MAPK4: variants seen among roughly 807,000 people sequenced by gnomAD.
The protein encoded by MAPK4 is Erk3-related.
In MAPK4, 22 loss-of-function variants were observed where a neutral mutation model predicts 47.7. The ratio of observed to expected loss-of-function variants is 0.46; its 90% CI spans 0.33 to 0.66. The LOEUF is 0.66. Among genes scored for constraint, MAPK4 ranks in the 30% least tolerant of loss-of-function variants. MAPK4 has a pLI of 0.02. For synonymous variants in MAPK4, 390 were observed against 365.7 expected, an observed-to-expected ratio of 1.07 and a Z score of -0.76; for missense variants, 736 against 831.7, an observed-to-expected ratio of 0.88 and a Z score of 1.42.
chr18:50,722,000 G>A lies in MAPK4; in HGVS notation c.754G>A (p.Asp252Asn). 6.2e-7 allele frequency: 1 copy of A among 1,614,126 alleles called. No individual in the cohort carries two copies. The highest frequency in any genetic ancestry group is 8.5e-7 in the Non-Finnish European group (1 of 1,180,010). Residue 252 changes from aspartate (D) to asparagine (N), a missense_variant, in exon 4 of 6, where the codon GAC (aspartate) becomes AAC (asparagine). Asp to Asn is a conservative substitution (Grantham distance 23, BLOSUM62 1). This residue lies in a region of MAPK4 where 327 missense variants were observed against 395.4 expected (regional missense o/e 0.83). Transcript: ENST00000400384. ...GACCATCCCTGTAATCCGGGAGGAA[G>A]ACAAGGACGAGCTGCTCAGGGTGAT... ...LETIPVIREE[D>N]KDELLRVMPS...
chr18:50,623,639 A>G (rs936061117), intron 1 of MAPK4, among the ~76,000 whole-genome samples: 62 of 152,074 alleles, frequency 4.1e-4, no homozygotes, highest in African/African-American at 1.4e-3. Context: ...CCCTGTTCCA[A>G]TTATTGTGGG....
At chr18:50,674,093 C>T (rs918138737) in intron 2 of MAPK4, among the ~76,000 whole-genome samples, 2 of 152,164 alleles carry the variant, frequency 1.3e-5, no homozygotes, top group South Asian at 4.2e-4. Flanking sequence ...CTTTTATACC[C>T]AAGATTTGCT....
At chr18:50,677,162 TC>T (rs1451866250) in intron 2 of MAPK4, among the ~76,000 whole-genome samples, 1 of 152,202 alleles carries the variant, frequency 6.6e-6, no homozygotes, top group African/African-American at 2.4e-5. Context: ...AACAGTTTCA[TC>T]CCAAAACCAT....
intron 1 of MAPK4, among the ~76,000 whole-genome samples, chr18:50,563,667 C>G (rs1389280760): frequency 1.3e-5 from 2 of 152,160 alleles, no homozygotes; most frequent in Non-Finnish European, 2.9e-5. Flanking sequence ...TGCATCCCTC[C>G]CTCCTTGCAG....
chr18:50,602,112 C>A (rs1450873502), intron 1 of MAPK4, among the ~76,000 whole-genome samples: 1 of 152,108 alleles, frequency 6.6e-6, no homozygotes, highest in African/African-American at 2.4e-5. Flanking sequence ...AATATAGTTC[C>A]TAAAGGTATT....
rs193282425 is a variant in MAPK4 at position 50,562,775 on chromosome 18, C to T, written c.-871+2532C>T. ...AGGGAAATGTAGTCTAAGACGTAGT[C>T]TTTGTCTTAAAGAACTCTGGTTCAT... On this transcript the variant is annotated intron_variant, in intron 1 of 5. Transcript: ENST00000400384. Among the ~76,000 whole-genome samples, 1,021 of 152,298 alleles carry T rather than the reference C, an allele frequency of 6.7e-3. 11 individuals are homozygous for T. The highest frequency in any genetic ancestry group is 0.01 in the Non-Finnish European group (690 of 68,026).
chr18:50,707,521 T>C (rs8090486), intron 2 of MAPK4, among the ~76,000 whole-genome samples: 55,708 of 145,158 alleles, frequency 0.38, 11,192 homozygotes, highest in African/African-American at 0.54. Context: ...CAGTGAGTCA[T>C]GATCGTGCCA....
intron 2 of MAPK4, among the ~76,000 whole-genome samples, chr18:50,692,545 A>G (rs1308397382): frequency 6.6e-6 from 1 of 152,194 alleles, no homozygotes; most frequent in Non-Finnish European, 1.5e-5. Flanking sequence ...ATAAAAAGGA[A>G]ACAACAGTGT....
chr18:50,690,285 G>A (rs547852880), intron 2 of MAPK4, among the ~76,000 whole-genome samples: 8 of 152,296 alleles, frequency 5.3e-5, no homozygotes, highest in East Asian at 1.9e-4. Context: ...AATGTGATAC[G>A]TTCAGGTTGA....
At chr18:50,561,715 G>T (rs917970960) in intron 1 of MAPK4, among the ~76,000 whole-genome samples, 1 of 152,184 alleles carries the variant, frequency 6.6e-6, no homozygotes, top group Non-Finnish European at 1.5e-5. Context: ...CGCTTGTGTG[G>T]TGTATGAAGG....
intron 1 of MAPK4, among the ~76,000 whole-genome samples, chr18:50,597,652 T>C (rs1007460643): frequency 1.3e-5 from 2 of 152,204 alleles, no homozygotes; most frequent in Non-Finnish European, 2.9e-5. Flanking sequence ...ACATTGATCA[T>C]GTTGGACCAG....
At chr18:50,665,860 C>CCAT (rs1332688354) in intron 2 of MAPK4, among the ~76,000 whole-genome samples, 2 of 152,094 alleles carry the variant, frequency 1.3e-5, no homozygotes, top group Non-Finnish European at 2.9e-5. Flanking sequence ...GAAGGAATGT[C>CCAT]CATGGGCTGG....
chr18:50,623,193 C>A (rs1391039493), intron 1 of MAPK4, among the ~76,000 whole-genome samples: 1 of 152,116 alleles, frequency 6.6e-6, no homozygotes, highest in Non-Finnish European at 1.5e-5. Context: ...GGGGGAAACT[C>A]CATAGAGTGA....
chr18:50,646,176 G>T (rs997470798), intron 1 of MAPK4, among the ~76,000 whole-genome samples: 1 of 152,118 alleles, frequency 6.6e-6, no homozygotes, highest in African/African-American at 2.4e-5. Context: ...TTTTTTGTTT[G>T]TTTGTTTTTA....
intron 1 of MAPK4, among the ~76,000 whole-genome samples, chr18:50,596,836 C>T (rs945938816): frequency 6.6e-6 from 1 of 152,210 alleles, no homozygotes; most frequent in African/African-American, 2.4e-5. Context: ...AAACTTCACA[C>T]AGTCTCAGCC....
At chr18:50,655,129 G>A (rs958791623) in intron 1 of MAPK4, among the ~76,000 whole-genome samples, 7 of 152,122 alleles carry the variant, frequency 4.6e-5, no homozygotes, top group African/African-American at 1.7e-4. Context: ...TTAGAAAACC[G>A]TATTGAGGGA....
chr18:50,707,827 G>A (rs1022744669), intron 2 of MAPK4, among the ~76,000 whole-genome samples: 4 of 152,172 alleles, frequency 2.6e-5, no homozygotes, highest in East Asian at 1.9e-4. Context: ...TGAGCTTTTG[G>A]TTGATTTCCA....
In MAPK4 at chr18:50,730,927, TAGGAG is replaced by T. The variant is rs890197059; in HGVS notation, c.*1076_*1080del. ...AGGTCCTGCCATAGAGCAAATGTGT[TAGGAG>T]AGAAGGTTTCACATGGGACCCAACA... On this transcript the variant is annotated 3_prime_UTR_variant, in exon 6 of 6. Coordinates refer to ENST00000400384, the MANE Select transcript of MAPK4 (RefSeq NM_002747.4). 3.9e-5 allele frequency: 6 copies of T among 152,318 alleles called. No homozygotes were observed. The highest frequency in any genetic ancestry group is 1.4e-4 in the African/African-American group (6 of 41,548). 9.4% of individuals were successfully genotyped at this position (152,318 alleles called of 1,614,324 possible). A position where few individuals can be genotyped will look rare whatever the true frequency, so the allele number is the denominator to read the frequency against.
At chr18:50,668,235 C>T (rs768555585) in intron 2 of MAPK4, among the ~76,000 whole-genome samples, 42 of 152,304 alleles carry the variant, frequency 2.8e-4, no homozygotes, top group South Asian at 8.3e-4. Flanking sequence ...GGAGTGGGGG[C>T]GCACCACCCT....
Sources: allele counts gnomAD v4.1 joint callset (sites outside exome capture counted in the v4.1 genomes callset), GRCh38; gene constraint gnomAD v4.1.1; regional missense constraint gnomAD v4.1.1; transcripts MANE v1.5; gene names NCBI Gene and HGNC (gene_info 2026-07-23, HGNC 2026-07-21).